EVC: variants seen among roughly 807,000 people sequenced by gnomAD.
EVC encodes evC complex member EVC.
Under a neutral mutation model 118.9 loss-of-function variants are expected in EVC, and 116 were observed. The ratio of observed to expected loss-of-function variants is 0.98; its 90% confidence interval spans 0.84 to 1.14. EVC has a LOEUF of 1.14. Ranked by LOEUF, EVC falls within the 50% of genes most tolerant of loss-of-function variation. The pLI, the probability that EVC is intolerant of heterozygous loss-of-function variation, is 0.00. For missense variants in EVC, 1,401 were observed against 1,246.4 expected (o/e 1.12, Z -1.87); for synonymous variants, 619 against 534.7 (o/e 1.16, Z -2.18).
chr4:5,767,173 G>A (rs756760979), intron 11 of EVC, among the ~76,000 whole-genome samples: 5 of 152,066 alleles, frequency 3.3e-5, no homozygotes, highest in Non-Finnish European at 5.9e-5. Context: ...TGAGGTGTCA[G>A]TCTGCCTGGG....
In EVC at chr4:5,730,866, G is replaced by A. The variant is rs2151930615; in HGVS notation, c.385-559G>A. 2.6e-5 allele frequency among the ~76,000 whole-genome samples: 4 copies of A among 152,138 alleles called. No homozygotes were observed. The Middle Eastern group carries it at 0.014, about 517-fold the overall frequency. On this transcript the variant is annotated intron_variant, in intron 3 of 20. Transcript: ENST00000264956. ...AGAGGTGGAGGCTGACATTTGCTGG[G>A]CCCTCTAGCCATGCCAGGCCCCAGG...
chr4:5,745,699 C>G (rs1336655119), intron 7 of EVC, among the ~76,000 whole-genome samples: 1 of 152,194 alleles, frequency 6.6e-6, no homozygotes, highest in Non-Finnish European at 1.5e-5. Flanking sequence ...GTTTTAAATT[C>G]CAGACAGAAT....
chr4:5,824,791 A>G, the EVC span: 1 of 921,828 alleles, frequency 1.1e-6, no homozygotes, highest in Non-Finnish European at 1.3e-6. Context: ...CAACGCCTCA[A>G]AGAGTTTGCA....
intron 11 of EVC, among the ~76,000 whole-genome samples, chr4:5,770,816 A>C (rs973872072): frequency 1.3e-5 from 2 of 152,148 alleles, no homozygotes; most frequent in African/African-American, 4.8e-5. Context: ...GCTCAAGACC[A>C]GCCCGGCCAA....
At chr4:5,792,442 C>T (rs927360468) in intron 12 of EVC, among the ~76,000 whole-genome samples, 2 of 152,148 alleles carry the variant, frequency 1.3e-5, no homozygotes, top group Admixed American at 6.5e-5. Flanking sequence ...GAACATACAA[C>T]AATTTAGCCA....
In EVC at chr4:5,811,213, C is replaced by T. The variant is rs188862767; in HGVS notation, c.*176C>T. ...GCCCTAAAAGCATAAATGAGTATCA[C>T]CTGAGAAAATTAGGCATTCCCGTCT... is the stretch of plus-strand genomic sequence containing the variant. On this transcript the variant is annotated 3_prime_UTR_variant, in exon 21 of 21. Coordinates refer to ENST00000264956, the MANE Select transcript of EVC (RefSeq NM_153717.3). 2 of 614,960 alleles carry T rather than the reference C, an allele frequency of 3.3e-6. No individual in the cohort carries two copies. The highest frequency in any genetic ancestry group is 2.9e-6 in the Non-Finnish European group (1 of 345,148). 38.1% of individuals were successfully genotyped at this position (614,960 alleles called of 1,614,324 possible).
In EVC at chr4:5,754,294, A is replaced by G. The variant is rs375078389; in HGVS notation, c.1464+361A>G. ...ACAAGCATGTCCCGGAGAGTAAGGCAGGCTCACACACCCAGGGACAGGGCC... is the reference window on the plus strand; with the variant it reads ...ACAAGCATGTCCCGGAGAGTAAGGCGGGCTCACACACCCAGGGACAGGGCC... On this transcript the variant is annotated intron_variant, in intron 10 of 20. Transcript: ENST00000264956. This position sits in a 1 kb window ranked among gnomAD's most constrained non-coding sequence, Gnocchi z 5.8. Among the ~76,000 whole-genome samples, 1 of 152,258 alleles carries G rather than the reference A, an allele frequency of 6.6e-6. No individual in the cohort carries two copies.
Position 5,789,224 on chromosome 4 carries a change from A to C in EVC, c.1777-4384A>C, listed in dbSNP as rs993972801. ...CCCCCAATGGCTTCTCATTTCACAC[A>C]GCATGAAAGTCAGAGTCCTCGCCAC... On this transcript the variant is annotated intron_variant, in intron 12 of 20. Coordinates refer to ENST00000264956, the MANE Select transcript of EVC (RefSeq NM_153717.3). The surrounding 1 kb of genome is among the most constrained non-coding windows in gnomAD (Gnocchi z 4.3). Among the ~76,000 whole-genome samples the C allele has an allele frequency of 6.6e-6, 1 of 152,170 alleles. No homozygotes were observed. Among genetic ancestry groups the C allele is most frequent in the African/African-American group, 2.4e-5 (1 of 41,446 alleles).
intron 11 of EVC, among the ~76,000 whole-genome samples, chr4:5,773,608 G>C (rs1734301365): frequency 6.6e-6 from 1 of 152,124 alleles, no homozygotes; most frequent in Non-Finnish European, 1.5e-5. Context: ...GAGACTGGGA[G>C]GCGGTGCGCT....
At chr4:5,729,442 A>G in intron 3 of EVC, 52 bp downstream of exon 3, 1 of 1,521,028 alleles carries the variant, frequency 6.6e-7, no homozygotes, top group Non-Finnish European at 9.1e-7. Flanking sequence ...GTCATGTGCC[A>G]GAGATTGGGA....
At chr4:5,816,720 C>A (rs1390105451), downstream of EVC, among the ~76,000 whole-genome samples, 1 of 147,480 alleles carries the variant, frequency 6.8e-6, no homozygotes, top group African/African-American at 2.5e-5. Flanking sequence ...TCCCTCTCTC[C>A]CTCCATCATG....
rs770580557 is a variant in EVC at position 5,752,873 on chromosome 4, C to T, written c.1136C>T (p.Ala379Val). The change falls in exon 9 of 21, where the codon GCA (alanine) becomes GTA (valine). Residue 379 changes from alanine (A) to valine (V), a missense_variant. Coordinates refer to ENST00000264956, the MANE Select transcript of EVC (RefSeq NM_153717.3). Reference sequence around the variant, plus strand: ...AGGACGATGGGGCGGGCGCACATGGCAAAAGTGATTGAGTTTCTGAAGCTG... The same window carrying T: ...AGGACGATGGGGCGGGCGCACATGGTAAAAGTGATTGAGTTTCTGAAGCTG... ...LERTMGRAHM[A>V]KVIEFLKLQV... The T allele has an allele frequency of 6.2e-7, 1 of 1,614,196 alleles. No individual in the cohort carries two copies. The highest frequency in any genetic ancestry group is 1.7e-5 in the Admixed American group (1 of 60,032).
At chr4:5,825,410 G>A in the EVC span, 1,091 of 1,489,394 alleles carry the variant, frequency 7.3e-4, 8 homozygotes, top group African/African-American at 0.013. The surrounding 1 kb of genome is among the most constrained non-coding windows in gnomAD (Gnocchi z 4.4). Context: ...CCAAGGCCAC[G>A]TGTCCATTTC....
the EVC span, chr4:5,821,672 A>G: frequency 9.2e-5 from 120 of 1,303,332 alleles, no homozygotes; most frequent in Admixed American, 4.6e-4. This position sits in a 1 kb window ranked among gnomAD's most constrained non-coding sequence, Gnocchi z 4.4. Context: ...AGCACCAACT[A>G]AAACTGTGGG....
At chr4:5,728,335 A>G (rs893060285) in intron 2 of EVC, among the ~76,000 whole-genome samples, 3 of 151,778 alleles carry the variant, frequency 2.0e-5, no homozygotes, top group East Asian at 1.9e-4. Flanking sequence ...CTTTGAAGCA[A>G]TTGTGAATGG....
At chr4:5,728,289 A>G (rs943457392) in intron 2 of EVC, among the ~76,000 whole-genome samples, 3 of 152,020 alleles carry the variant, frequency 2.0e-5, no homozygotes, top group Non-Finnish European at 2.9e-5. Flanking sequence ...AGTCCTTCAC[A>G]TCCCTTGTAA....
At chr4:5,815,977 AAAGG>A (rs762362539), downstream of EVC, among the ~76,000 whole-genome samples, 40 of 151,776 alleles carry the variant, frequency 2.6e-4, no homozygotes, top group Non-Finnish European at 3.5e-4. Context: ...TATGGATTGG[AAAGG>A]AAGGAGGGAG....
Position 5,731,392 on chromosome 4 carries a change from A to G in EVC, c.385-33A>G, listed in dbSNP as rs771495194. 4.6e-6 allele frequency: 7 copies of G among 1,510,960 alleles called. 1 individual carries two copies. The South Asian group carries it at 5.6e-5, about 12-fold the overall frequency. 93.6% of individuals were successfully genotyped at this position (1,510,960 alleles called of 1,614,324 possible). A position where few individuals can be genotyped will look rare whatever the true frequency, so the allele number is the denominator to read the frequency against. On this transcript the variant is annotated intron_variant, in intron 3 of 20. Transcript: ENST00000264956. The surrounding 1 kb of genome is among the most constrained non-coding windows in gnomAD (Gnocchi z 5.6). ...CTAGATCAAATCCCAGAGGCATCAC[A>G]TGGACTGAGTGTGACTCCTACTGCC...
At chr4:5,776,832 C>T (rs528492707) in intron 11 of EVC, among the ~76,000 whole-genome samples, 1 of 151,558 alleles carries the variant, frequency 6.6e-6, no homozygotes, top group Non-Finnish European at 1.5e-5. Flanking sequence ...ACAATATTTT[C>T]AATTCTAGAA....
Sources: allele counts gnomAD v4.1 joint callset (sites outside exome capture counted in the v4.1 genomes callset), GRCh38; gene constraint gnomAD v4.1.1; non-coding constraint Gnocchi (gnomAD v3.1); transcripts MANE v1.5; gene names NCBI Gene and HGNC (gene_info 2026-07-23, HGNC 2026-07-21).